LCP2: variants seen among roughly 807,000 people sequenced by gnomAD.
The protein encoded by LCP2 is lymphocyte cytosolic protein 2.
A neutral mutation model predicts 74.5 loss-of-function variants in LCP2; 29 were observed. The ratio of observed to expected loss-of-function variants is 0.39; its 90% CI spans 0.29 to 0.53. LCP2 has a LOEUF of 0.53. Among genes scored for constraint, LCP2 ranks in the 20% least tolerant of loss-of-function variants. LCP2 has a pLI of 0.72. For missense variants in LCP2, 604 were observed against 634.6 expected, an observed-to-expected ratio of 0.95 and a Z score of 0.52; for synonymous variants, 228 against 229.5, an observed-to-expected ratio of 0.99 and a Z score of 0.06.
intron 1 of LCP2, among the ~76,000 whole-genome samples, chr5:170,297,175 C>T (rs558211505): frequency 2.0e-4 from 31 of 152,162 alleles, no homozygotes; most frequent in Non-Finnish European, 3.7e-4. Flanking sequence ...CCTAGGGCTT[C>T]GGACCATTTC....
At chr5:170,274,242 T>C (rs958306491) in intron 6 of LCP2, 59 bp downstream of exon 6, 14 of 1,574,550 alleles carry the variant, frequency 8.9e-6, no homozygotes, top group Admixed American at 1.7e-5. Context: ...TGGCTCCTTA[T>C]CACAAAGCTG....
chr5:170,258,148 G>A lies in LCP2; in HGVS notation c.989C>T (p.Pro330Leu). 1.2e-6 allele frequency: 2 copies of A among 1,613,900 alleles called. No homozygotes were observed. Among genetic ancestry groups the A allele is most frequent in the South Asian group, 1.1e-5 (1 of 91,072 alleles). ...DEDDVHQRPL[P>L]QPALLPMSSN... ...GCTCATAGGAAGTAGTGCTGGCTGG[G>A]GCAAAGGTCTCTGATGCACTGTGCA... Residue 330 changes from proline (P) to leucine (L), a missense_variant, in exon 16 of 21, where the codon CCC (proline) becomes CTC (leucine). Transcript: ENST00000046794.
intron 17 of LCP2, among the ~76,000 whole-genome samples, chr5:170,254,297 G>A (rs1371094553): frequency 6.6e-6 from 1 of 152,130 alleles, no homozygotes; most frequent in Non-Finnish European, 1.5e-5. Flanking sequence ...GAGCACCTGG[G>A]GCTCAGAAAT....
chr5:170,258,315 G>A, intron 15 of LCP2, 149 bp from the exon 16 acceptor site: 1 of 742,132 alleles, frequency 1.3e-6, no homozygotes, highest in East Asian at 2.7e-5. Flanking sequence ...GTAGTAGGAT[G>A]GAACCTTGCT....
At chr5:170,289,647 T>TTCTCTCTCTCTCTCTCTCTCTC (rs1762246889) in intron 2 of LCP2, among the ~76,000 whole-genome samples, 4 of 108,878 alleles carry the variant, frequency 3.7e-5, no homozygotes, top group African/African-American at 1.5e-4. Flanking sequence ...CTTTCTTTCT[T>TTCTCTCTCTCTCTCTCTCTCTC]TCTTTCTTTC....
chr5:170,286,121 G>A (rs1762179012), intron 3 of LCP2, among the ~76,000 whole-genome samples: 1 of 152,160 alleles, frequency 6.6e-6, no homozygotes, highest in South Asian at 2.1e-4. Context: ...ACTTAATCTT[G>A]TTCGAAAGCC....
intron 7 of LCP2, 189 bp downstream of exon 7, chr5:170,270,530 A>G (rs1259082281): frequency 1.8e-6 from 1 of 551,822 alleles, no homozygotes; most frequent in Non-Finnish European, 3.1e-6. Flanking sequence ...TATTTCACAG[A>G]TGAGGAAATT....
chr5:170,263,864 G>T (rs1429843379), intron 10 of LCP2, among the ~76,000 whole-genome samples: 1 of 152,188 alleles, frequency 6.6e-6, no homozygotes, highest in Non-Finnish European at 1.5e-5. Context: ...TTTGCCATAA[G>T]AATTGGGTGA....
At chr5:170,287,437 T>C (rs912670249) in intron 3 of LCP2, among the ~76,000 whole-genome samples, 1 of 152,208 alleles carries the variant, frequency 6.6e-6, no homozygotes, top group Non-Finnish European at 1.5e-5. Context: ...ATACTGCAAC[T>C]TCCCCTTTCA....
At chr5:170,260,230 G>A (rs935363890) in intron 14 of LCP2, among the ~76,000 whole-genome samples, 14 of 152,208 alleles carry the variant, frequency 9.2e-5, no homozygotes, top group South Asian at 4.1e-4. Flanking sequence ...AGAGCATCCC[G>A]TGATTGCATG....
Position 170,297,718 on chromosome 5 carries a change from C to T in LCP2, c.-107G>A. The T allele has an allele frequency of 3.4e-6, 3 of 889,640 alleles. No homozygotes were observed. The highest frequency in any genetic ancestry group is 5.2e-6 in the Non-Finnish European group (3 of 582,038). 55.1% of individuals were successfully genotyped at this position (889,640 alleles called of 1,614,324 possible). On this transcript the variant is annotated 5_prime_UTR_variant, in exon 1 of 21. Coordinates refer to ENST00000046794, the MANE Select transcript of LCP2 (RefSeq NM_005565.5). ...AGGCGTTCTTGGCTCTTCCAACTCC[C>T]AGCTACCCTGTGGAACACCCCTGTT...
chr5:170,296,355 C>T (rs1294197940), intron 1 of LCP2, among the ~76,000 whole-genome samples: 1 of 152,180 alleles, frequency 6.6e-6, no homozygotes, highest in Non-Finnish European at 1.5e-5. Context: ...CCTAGTTCAA[C>T]ATGTTCTCAT....
intron 2 of LCP2, 50 bp downstream of exon 2, chr5:170,293,260 A>G (rs779987288): frequency 1.3e-6 from 2 of 1,563,860 alleles, no homozygotes; most frequent in Non-Finnish European, 1.7e-6. Context: ...GCCATGGGGA[A>G]AAGTGCCGAA....
At chr5:170,293,968 C>T (rs142407792) in intron 1 of LCP2, among the ~76,000 whole-genome samples, 123 of 152,248 alleles carry the variant, frequency 8.1e-4, no homozygotes, top group African/African-American at 2.5e-3. Context: ...ATAATAAAAA[C>T]GGCGAACAAT....
rs371208606 is a variant in LCP2 at position 170,274,307 on chromosome 5, C to A, written c.318G>T (p.Ser106=). The stretch of plus-strand genomic sequence containing the variant: ...CAGCCCACACCATACTCACAAAGGA[C>A]GACCAGCCCCCATTGTCCTCTTCGT... ...ESHEEDNGGW[S]SFEEDDYESP... is the part of the protein sequence containing the mutation. Residue 106 remains serine (S), a synonymous_variant, in exon 6 of 21, where the codon TCG becomes TCT. Transcript: ENST00000046794. The A allele has an allele frequency of 1.9e-6, 3 of 1,613,248 alleles. No individual in the cohort carries two copies. The highest frequency in any genetic ancestry group is 2.2e-5 in the East Asian group (1 of 44,874).
chr5:170,256,439 C>A lies in LCP2; in HGVS notation c.1150+87G>T. 9.3e-7 allele frequency: 1 copy of A among 1,070,642 alleles called. No individual in the cohort carries two copies. Among genetic ancestry groups the A allele is most frequent in the Non-Finnish European group, 1.4e-6 (1 of 690,296 alleles). The allele number at this position is 1,070,642 out of a possible 1,614,324, so 66.3% of individuals were successfully genotyped here. A position where few individuals can be genotyped will look rare whatever the true frequency, so the allele number is the denominator to read the frequency against. ...AGATGCTTTTAGGAAACAATAAAACCTTTGTCGAAAGCTTTTGGGACAGGT... is the reference window on the plus strand; with the variant it reads ...AGATGCTTTTAGGAAACAATAAAACATTTGTCGAAAGCTTTTGGGACAGGT... On this transcript the variant is annotated intron_variant, in intron 17 of 20. Transcript: ENST00000046794. The surrounding 1 kb of genome is among the most constrained non-coding windows in gnomAD (Gnocchi z 4.5).
At chr5:170,266,617 C>T (rs1381819124) in intron 10 of LCP2, among the ~76,000 whole-genome samples, 191 bp downstream of exon 10, 2 of 152,218 alleles carry the variant, frequency 1.3e-5, no homozygotes, top group African/African-American at 4.8e-5. Context: ...CACTTGGTAG[C>T]TGTGTGATCT....
At chr5:170,272,602 T>G (rs994135501) in intron 6 of LCP2, among the ~76,000 whole-genome samples, 2 of 91,900 alleles carry the variant, frequency 2.2e-5, no homozygotes, top group Non-Finnish European at 3.9e-5. Flanking sequence ...ATTTTCTTTT[T>G]TTTTTTTTTT....
At chr5:170,264,610 G>A (rs1761714805) in intron 10 of LCP2, among the ~76,000 whole-genome samples, 1 of 152,170 alleles carries the variant, frequency 6.6e-6, no homozygotes, top group South Asian at 2.1e-4. Flanking sequence ...TCAGCCTGGT[G>A]AACACAGGGA....
Sources: allele counts gnomAD v4.1 joint callset (sites outside exome capture counted in the v4.1 genomes callset), GRCh38; gene constraint gnomAD v4.1.1; non-coding constraint Gnocchi (gnomAD v3.1); transcripts MANE v1.5; gene names NCBI Gene and HGNC (gene_info 2026-07-23, HGNC 2026-07-21).